Variants in ZNF365 observed in about 807,000 individuals in gnomAD.
ZNF365 encodes the protein zinc finger protein 365.
ZNF365 carries 22 observed loss-of-function variants against 35.0 expected under a neutral mutation model. That is an observed-to-expected ratio of 0.63 (90% CI 0.45 to 0.90). The LOEUF is 0.90. ZNF365 is among the 40% of genes least tolerant of loss of function. The pLI is 0.00. For missense variants in ZNF365, 448 were observed against 500.3 expected (o/e 0.90, Z 1.00); for synonymous variants, 188 against 196.2 (o/e 0.96, Z 0.35).
intron 3 of ZNF365, among the ~76,000 whole-genome samples, chr10:62,409,154 G>A (rs886438513): frequency 2.0e-5 from 3 of 152,066 alleles, no homozygotes; most frequent in Non-Finnish European, 2.9e-5. Context: ...CCCAAGCTTC[G>A]GTCCAAAGGA....
At chr10:62,435,398 A>G (rs142273452) in intron 3 of ZNF365, among the ~76,000 whole-genome samples, 51 of 152,278 alleles carry the variant, frequency 3.3e-4, no homozygotes, top group Admixed American at 5.2e-4. Flanking sequence ...CACATGCCTG[A>G]GATATATTTA....
intron 3 of ZNF365, among the ~76,000 whole-genome samples, chr10:62,434,091 T>G (rs1564587905): frequency 6.6e-6 from 1 of 152,140 alleles, no homozygotes; most frequent in East Asian, 1.9e-4. Flanking sequence ...AAAATCTGAA[T>G]GCACTTGGCC....
intron 3 of ZNF365, among the ~76,000 whole-genome samples, chr10:62,444,601 C>T (rs908073003): frequency 2.6e-5 from 4 of 152,012 alleles, no homozygotes; most frequent in African/African-American, 7.2e-5. Flanking sequence ...TCTGTCCTTA[C>T]ATCTTCTTCA....
chr10:62,448,033 C>T (rs1840618552), intron 3 of ZNF365, among the ~76,000 whole-genome samples: 1 of 152,212 alleles, frequency 6.6e-6, no homozygotes, highest in African/African-American at 2.4e-5. Context: ...TAGCCATTAA[C>T]ATTTTATTAC....
At chr10:62,389,756 G>T (rs995777296) in intron 3 of ZNF365, among the ~76,000 whole-genome samples, 23 of 152,226 alleles carry the variant, frequency 1.5e-4, no homozygotes, top group African/African-American at 5.5e-4. Context: ...CCTTAGCGCA[G>T]CTCAGTGATA....
chr10:62,431,443 G>GT (rs2132456523), intron 3 of ZNF365, among the ~76,000 whole-genome samples: 1 of 152,206 alleles, frequency 6.6e-6, no homozygotes, highest in South Asian at 2.1e-4. Context: ...ATATCAATAA[G>GT]TAGAGATCTT....
At chr10:62,398,629 C>A in intron 3 of ZNF365, 111 bp from the exon 4 acceptor site, 1 of 930,620 alleles carries the variant, frequency 1.1e-6, no homozygotes, top group Non-Finnish European at 1.7e-6. Flanking sequence ...CAGTAGCAGT[C>A]ACTGACTCCC....
At chr10:62,386,186 CTAGT>C (rs1433371831) in intron 2 of ZNF365, among the ~76,000 whole-genome samples, 3 of 152,166 alleles carry the variant, frequency 2.0e-5, no homozygotes, top group Admixed American at 6.5e-5. Flanking sequence ...TCGTTTGCTG[CTAGT>C]TAAAGTTTGT....
At chr10:62,408,685 G>A (rs986597097) in intron 3 of ZNF365, among the ~76,000 whole-genome samples, 1 of 152,064 alleles carries the variant, frequency 6.6e-6, no homozygotes, top group African/African-American at 2.4e-5. Context: ...TCTGTTGGGG[G>A]ATATATGGGC....
chr10:62,460,113 G>GGGC (rs1273916239), intron 4 of ZNF365, among the ~76,000 whole-genome samples: 1 of 152,078 alleles, frequency 6.6e-6, no homozygotes, highest in African/African-American at 2.4e-5. Context: ...CTCTTGAGAG[G>GGGC]GGCCATATCA....
chr10:62,398,925 T>C, intron 4 of ZNF365, 148 bp downstream of exon 4: 1 of 736,184 alleles, frequency 1.4e-6, no homozygotes, highest in Non-Finnish European at 2.2e-6. Flanking sequence ...GACCTGCATG[T>C]GTATCTAACT....
At chr10:62,409,803 C>T (rs1259145490) in intron 3 of ZNF365, among the ~76,000 whole-genome samples, 1 of 152,108 alleles carries the variant, frequency 6.6e-6, no homozygotes, top group Admixed American at 6.6e-5. Context: ...CAACCATTCA[C>T]CAATATTTAT....
chr10:62,394,744 C>T (rs1416928746), intron 3 of ZNF365, among the ~76,000 whole-genome samples: 1 of 152,152 alleles, frequency 6.6e-6, no homozygotes, highest in Non-Finnish European at 1.5e-5. Flanking sequence ...GAAATTTTTC[C>T]ATAGCACAGA....
chr10:62,381,147 A>G (rs1839431982), intron 2 of ZNF365, among the ~76,000 whole-genome samples: 1 of 152,122 alleles, frequency 6.6e-6, no homozygotes, highest in South Asian at 2.1e-4. Flanking sequence ...ACAGATTTTT[A>G]TGTGTGGAGA....
At chr10:62,467,792 G>T (rs780875102) in intron 4 of ZNF365, among the ~76,000 whole-genome samples, 1 of 152,092 alleles carries the variant, frequency 6.6e-6, no homozygotes, top group African/African-American at 2.4e-5. Context: ...TGCTTTTGAT[G>T]CTTAAATAAG....
At chr10:62,460,205 G>A (rs575756770) in intron 4 of ZNF365, among the ~76,000 whole-genome samples, 4 of 152,090 alleles carry the variant, frequency 2.6e-5, no homozygotes, top group Non-Finnish European at 4.4e-5. Context: ...GACCTGATCC[G>A]AACTGACAAT....
chr10:62,465,494 G>A (rs1435834700), intron 4 of ZNF365, among the ~76,000 whole-genome samples: 1 of 152,188 alleles, frequency 6.6e-6, no homozygotes, highest in Non-Finnish European at 1.5e-5. Context: ...CCAGTTCCAG[G>A]TGGAGTCCAT....
chr10:62,376,179 A>G lies in ZNF365; in HGVS notation c.-13-2A>G. Reference sequence around the variant, plus strand: ...GTAAACTACCTATTTCCCCCCTCCCAGGACTTTTAGAGTAATGCAACAGAA... The same window carrying G: ...GTAAACTACCTATTTCCCCCCTCCCGGGACTTTTAGAGTAATGCAACAGAA... On this transcript the variant is annotated splice_acceptor_variant, in intron 1 of 4. Transcript: ENST00000395254. LOFTEE classifies it low-confidence loss of function (5UTR_SPLICE). 1 of 1,613,074 alleles carries G rather than the reference A, an allele frequency of 6.2e-7. No homozygotes were observed.
chr10:62,422,101 C>G (rs1187388538), intron 3 of ZNF365, among the ~76,000 whole-genome samples: 1 of 152,052 alleles, frequency 6.6e-6, no homozygotes, highest in East Asian at 1.9e-4. Context: ...GCATGTTGGT[C>G]CATTATATGG....
Sources: allele counts gnomAD v4.1 joint callset (sites outside exome capture counted in the v4.1 genomes callset), GRCh38; gene constraint gnomAD v4.1.1; transcripts MANE v1.5; gene names NCBI Gene and HGNC (gene_info 2026-07-23, HGNC 2026-07-21).